EXOC6B: variants seen among roughly 807,000 people sequenced by gnomAD.
The protein encoded by EXOC6B is SEC15 homolog B.
Under a neutral mutation model 113.5 loss-of-function variants are expected in EXOC6B, and 54 were observed. The observed-to-expected ratio is 0.48, with a 90% CI of 0.38 to 0.60. The LOEUF is 0.60. Ranked by LOEUF, EXOC6B falls within the 20% of genes least tolerant of loss-of-function variation. EXOC6B has a pLI of 0.00. For missense variants in EXOC6B, 797 were observed against 977.5 expected (o/e 0.82, Z 2.46); for synonymous variants, 357 against 339.0 (o/e 1.05, Z -0.58).
chr2:72,705,087 C>G (rs1678750951), intron 6 of EXOC6B, among the ~76,000 whole-genome samples: 1 of 151,020 alleles, frequency 6.6e-6, no homozygotes, highest in South Asian at 2.1e-4. Context: ...CAATAAAATA[C>G]TGGCAAACTG....
At chr2:72,423,219 C>G (rs1695008240) in intron 18 of EXOC6B, among the ~76,000 whole-genome samples, 1 of 151,990 alleles carries the variant, frequency 6.6e-6, no homozygotes, top group Non-Finnish European at 1.5e-5. Context: ...CAGCTTCACT[C>G]CTGAGCCAGC....
At chr2:72,575,714 T>C (rs1478632924) in intron 6 of EXOC6B, 46 bp from the exon 7 acceptor site, 1 of 1,420,866 alleles carries the variant, frequency 7.0e-7, no homozygotes, top group Non-Finnish European at 9.3e-7. Flanking sequence ...AAGGTGGGGT[T>C]AGGGAGAGAG....
intron 18 of EXOC6B, among the ~76,000 whole-genome samples, chr2:72,413,867 T>C (rs1312049226): frequency 1.3e-5 from 2 of 152,196 alleles, no homozygotes; most frequent in Non-Finnish European, 2.9e-5. Flanking sequence ...TCTAGTGATA[T>C]TGACTCTACT....
intron 20 of EXOC6B, among the ~76,000 whole-genome samples, chr2:72,319,068 AC>A (rs1177732812): frequency 6.6e-6 from 1 of 151,990 alleles, no homozygotes; most frequent in African/African-American, 2.4e-5. Context: ...TAAATAATTT[AC>A]ATTAAGGAGT....
intron 6 of EXOC6B, among the ~76,000 whole-genome samples, chr2:72,603,884 AT>A (rs1322946159): frequency 6.6e-6 from 1 of 152,110 alleles, no homozygotes; most frequent in Admixed American, 6.5e-5. Flanking sequence ...AGATACTGGT[AT>A]TTCCCTTACC....
intron 6 of EXOC6B, among the ~76,000 whole-genome samples, chr2:72,628,964 G>A (rs891291541): frequency 2.0e-5 from 3 of 152,064 alleles, no homozygotes; most frequent in Admixed American, 6.5e-5. Context: ...CTCTATCCAT[G>A]TAATATAATA....
At chr2:72,208,285 T>C (rs1016532171) in intron 20 of EXOC6B, among the ~76,000 whole-genome samples, 2 of 151,974 alleles carry the variant, frequency 1.3e-5, no homozygotes, top group Non-Finnish European at 2.9e-5. Context: ...CCCATCTTTA[T>C]GCCCATGTGA....
chr2:72,313,642 G>A (rs1687339950), intron 20 of EXOC6B, among the ~76,000 whole-genome samples: 1 of 152,048 alleles, frequency 6.6e-6, no homozygotes, highest in Middle Eastern at 3.2e-3. Flanking sequence ...TTTTTGCCAA[G>A]ACTTTAAAAA....
At chr2:72,259,510 C>T (rs370033398) in intron 20 of EXOC6B, among the ~76,000 whole-genome samples, 44 of 152,216 alleles carry the variant, frequency 2.9e-4, no homozygotes, top group African/African-American at 9.4e-4. Flanking sequence ...CAAGTCTTTT[C>T]GTGGACATAT....
intron 18 of EXOC6B, among the ~76,000 whole-genome samples, chr2:72,430,188 T>C (rs1040521271): frequency 6.6e-6 from 1 of 152,190 alleles, no homozygotes; most frequent in African/African-American, 2.4e-5. Flanking sequence ...ACAGGAAAAA[T>C]AAAACTACTG....
At chr2:72,690,125 T>C (rs182926448) in intron 6 of EXOC6B, among the ~76,000 whole-genome samples, 4 of 152,344 alleles carry the variant, frequency 2.6e-5, no homozygotes, top group Admixed American at 1.3e-4. Context: ...CTTCCAAAAA[T>C]GTCAATAATA....
At chr2:72,746,467 G>T (rs568683148) in intron 1 of EXOC6B, among the ~76,000 whole-genome samples, 3 of 152,114 alleles carry the variant, frequency 2.0e-5, no homozygotes, top group Admixed American at 6.6e-5. Context: ...ACTATCTGGT[G>T]CATAGCTCTA....
chr2:72,485,846 G>A (rs1699395858), intron 16 of EXOC6B, among the ~76,000 whole-genome samples: 1 of 152,128 alleles, frequency 6.6e-6, no homozygotes, highest in African/African-American at 2.4e-5. Context: ...ACCATATTAG[G>A]TATGTCTAGT....
intron 11 of EXOC6B, among the ~76,000 whole-genome samples, chr2:72,509,663 T>C (rs371470933): frequency 6.6e-6 from 1 of 151,988 alleles, no homozygotes. Context: ...ATGAGGTTAA[T>C]ATTAACAGCT....
intron 20 of EXOC6B, among the ~76,000 whole-genome samples, chr2:72,227,890 A>G (rs1446130136): frequency 1.3e-5 from 2 of 152,228 alleles, no homozygotes; most frequent in East Asian, 1.9e-4. Context: ...GCTTTATTTT[A>G]GTGTTACACA....
intron 8 of EXOC6B, among the ~76,000 whole-genome samples, chr2:72,522,511 G>A (rs923952866): frequency 2.0e-5 from 3 of 151,676 alleles, no homozygotes; most frequent in African/African-American, 7.3e-5. Flanking sequence ...GTGACTTGTA[G>A]AAAAACTAGA....
At chr2:72,252,970 A>G (rs1310186341) in intron 20 of EXOC6B, among the ~76,000 whole-genome samples, 1 of 151,984 alleles carries the variant, frequency 6.6e-6, no homozygotes, top group Non-Finnish European at 1.5e-5. Context: ...GGTGAACCTC[A>G]AAAAAAATAT....
At position 72,603,552 on chromosome 2, in the gene EXOC6B, G is replaced by A. The variant is rs532527338; in HGVS notation, c.670-27884C>T. Among the ~76,000 whole-genome samples the A allele has an allele frequency of 2.6e-5, 4 of 152,262 alleles. No individual in the cohort carries two copies. The South Asian group carries it at 8.3e-4, about 32-fold the overall frequency. ...ATCCCAGAAGTATTCCAACAGAGCTGACCCTCCTGGTTCCTATGCTCCCCG... is the reference window on the plus strand; with the variant it reads ...ATCCCAGAAGTATTCCAACAGAGCTAACCCTCCTGGTTCCTATGCTCCCCG... On this transcript the variant is annotated intron_variant, in intron 6 of 21. Coordinates refer to ENST00000272427, the MANE Select transcript of EXOC6B (RefSeq NM_015189.3).
intron 19 of EXOC6B, among the ~76,000 whole-genome samples, chr2:72,348,380 T>G (rs1689453928): frequency 6.6e-6 from 1 of 152,148 alleles, no homozygotes. Context: ...CTCTTGGTAT[T>G]TGGAACTTAA....
Sources: allele counts gnomAD v4.1 joint callset (sites outside exome capture counted in the v4.1 genomes callset), GRCh38; gene constraint gnomAD v4.1.1; transcripts MANE v1.5; gene names NCBI Gene and HGNC (gene_info 2026-07-23, HGNC 2026-07-21).